OFD1: variants seen among roughly 807,000 people sequenced by gnomAD.
OFD1 encodes the protein centriole and centriolar satellite protein OFD1.
OFD1 carries 12 observed loss-of-function variants against 81.4 expected under a neutral mutation model. The observed-to-expected ratio is 0.15, with a 90% CI of 0.09 to 0.24. OFD1 has a LOEUF of 0.24. Among genes scored for constraint, OFD1 ranks in the 10% least tolerant of loss-of-function variants. The probability of loss-of-function intolerance (pLI) is 1.00; values close to 1 mark genes in which losing one functional copy is unlikely to be tolerated. For synonymous variants in OFD1, 256 were observed against 263.7 expected (o/e 0.97, Z 0.28); for missense variants, 685 against 733.9 (o/e 0.93, Z 0.77).
At chrX:13,725,982 T>G in the OFD1 span, among the ~76,000 whole-genome samples, 6 of 111,784 alleles carry the variant, frequency 5.4e-5, no homozygotes, top group African/African-American at 2.0e-4. Context: ...CAATAACTGA[T>G]TTGATCAAGT....
At chrX:13,725,628 G>A in the OFD1 span, among the ~76,000 whole-genome samples, 1 of 112,547 alleles carries the variant, frequency 8.9e-6, no homozygotes, top group African/African-American at 3.2e-5. Context: ...ACCAAAGGCA[G>A]ATAAAACCAC....
intron 5 of OFD1, among the ~76,000 whole-genome samples, chrX:13,742,172 C>G (rs2047131352): frequency 8.9e-6 from 1 of 111,926 alleles, no homozygotes; most frequent in African/African-American, 3.2e-5. Context: ...AGAAATACAT[C>G]CACACAAATA....
At chrX:13,771,146 T>C (rs1418225028), downstream of OFD1, 3 of 112,270 alleles carry the variant, frequency 2.7e-5, no homozygotes, top group Admixed American at 9.5e-5. Flanking sequence ...ATAGCAAAAT[T>C]TAATGCTCTT....
intron 19 of OFD1, among the ~76,000 whole-genome samples, chrX:13,765,885 T>C (rs1384678215): frequency 8.9e-6 from 1 of 112,073 alleles, no homozygotes; most frequent in East Asian, 2.8e-4. Context: ...GTACAAGATA[T>C]CCTGCAAGTG....
rs1444114831 is a variant in OFD1, at chrX:13,760,247, A to G, written c.1787A>G (p.Gln596Arg). The change falls in exon 16 of 23, where the codon CAG (glutamine) becomes CGG (arginine). Residue 596 changes from glutamine to arginine, a missense_variant. By Grantham distance (43) the Gln-to-Arg change is conservative (BLOSUM62 1). Transcript: ENST00000340096. ...SGDFLNNPFKQENVLARMVAS... is the reference protein window; with the variant it reads ...SGDFLNNPFKRENVLARMVAS... The stretch of plus-strand genomic sequence containing the variant: ...GATTTCTTGAACAATCCTTTTAAAC[A>G]GGAAAACGTTCTAGCACGTATGGTT... The G allele has an allele frequency of 1.7e-6, 2 of 1,210,239 alleles. No individual in the cohort carries two copies. The highest frequency in any genetic ancestry group is 2.3e-4 in the Middle Eastern group (1 of 4,356).
At chrX:13,736,285 T>A in intron 2 of OFD1, 193 bp from the exon 3 acceptor site, 1 of 1,058,192 alleles carries the variant, frequency 9.5e-7, no homozygotes, top group South Asian at 2.5e-5. Context: ...ACTGGACTGC[T>A]TGTCTCACGG....
Position 13,768,772 on chromosome X carries a change from G to A in OFD1, c.2983G>A (p.Asp995Asn), listed in dbSNP as rs1228268117. 1.7e-6 allele frequency: 2 copies of A among 1,205,803 alleles called. No homozygotes were observed. The highest frequency in any genetic ancestry group is 3.5e-5 in the South Asian group (2 of 56,818). Residue 995 changes from aspartate (D) to asparagine (N), a missense_variant, in exon 22 of 23, where the codon GAC (aspartate) becomes AAC (asparagine). This residue lies in a region of OFD1 where 259 missense variants were observed against 254.4 expected (regional missense o/e 1.02). Transcript: ENST00000340096. Reference sequence around the variant, plus strand: ...CCTAGTGGACACGCTGCAATCTAGTGACAAAGTCGAAAGGTACCTGTTTTC... The same window carrying A: ...CCTAGTGGACACGCTGCAATCTAGTAACAAAGTCGAAAGGTACCTGTTTTC... Reference protein sequence around the residue: ...GSLVDTLQSSDKVESLTGFSH... With the variant: ...GSLVDTLQSSNKVESLTGFSH...
intron 5 of OFD1, among the ~76,000 whole-genome samples, chrX:13,743,029 C>G (rs1022673128): frequency 8.9e-6 from 1 of 111,981 alleles, no homozygotes; most frequent in African/African-American, 3.2e-5. Flanking sequence ...TTCCAAGAAA[C>G]TAAACATTTC....
At chrX:13,746,974 A>T (rs1455897929) in intron 8 of OFD1, 21 bp downstream of exon 8, 1 of 1,187,019 alleles carries the variant, frequency 8.4e-7, no homozygotes, top group Non-Finnish European at 1.1e-6. Context: ...CAAATATTTT[A>T]TGGGTGGCTA....
chrX:13,733,461 C>A (rs770398707), upstream of OFD1, among the ~76,000 whole-genome samples: 15 of 112,117 alleles, frequency 1.3e-4, no homozygotes, highest in African/African-American at 4.5e-4. Flanking sequence ...GCAACCACTA[C>A]CCATCCTTTA....
chrX:13,754,343 A>G (rs1247778833), intron 11 of OFD1, among the ~76,000 whole-genome samples: 1 of 110,961 alleles, frequency 9.0e-6, no homozygotes, highest in Non-Finnish European at 1.9e-5. Context: ...GGAAATTTCA[A>G]GTAGATTCCT....
upstream of OFD1, among the ~76,000 whole-genome samples, chrX:13,730,745 G>T (rs975394699): frequency 1.6e-4 from 18 of 111,145 alleles, no homozygotes; most frequent in African/African-American, 5.6e-4. Flanking sequence ...CCATAAAAAA[G>T]GATGAGTTCA....
chrX:13,763,947 C>A, intron 19 of OFD1, 92 bp downstream of exon 19: 1 of 686,597 alleles, frequency 1.5e-6, no homozygotes, highest in Non-Finnish European at 2.3e-6. Context: ...TCACTGAAGT[C>A]ATCTTGTAGG....
intron 19 of OFD1, among the ~76,000 whole-genome samples, chrX:13,766,079 G>C (rs142728156): frequency 0.011 from 1,286 of 112,127 alleles, 14 homozygotes; most frequent in African/African-American, 0.039. Flanking sequence ...GGTTGGTACA[G>C]ATGAAATATT....
At chrX:13,719,136 G>A in the OFD1 span, among the ~76,000 whole-genome samples, 131 of 110,735 alleles carry the variant, frequency 1.2e-3, no homozygotes, top group African/African-American at 4.2e-3. Flanking sequence ...CAGTCTGGGC[G>A]ACAGAGCAAG....
upstream of OFD1, chrX:13,734,162 T>A (rs1354285106): frequency 2.0e-6 from 1 of 506,005 alleles, no homozygotes; most frequent in Non-Finnish European, 3.5e-6. Context: ...TCTTTGGTTG[T>A]CACACTTGGG....
intron 15 of OFD1, among the ~76,000 whole-genome samples, chrX:13,759,063 G>A (rs2047824475): frequency 8.9e-6 from 1 of 111,733 alleles, no homozygotes; most frequent in Admixed American, 9.5e-5. Flanking sequence ...TTATTATTGT[G>A]TCTTCACTGT....
At chrX:13,757,186 C>T (rs1181119825) in intron 13 of OFD1, among the ~76,000 whole-genome samples, 1 of 112,222 alleles carries the variant, frequency 8.9e-6, no homozygotes, top group Non-Finnish European at 1.9e-5. Context: ...GGAACTCCAC[C>T]ATCCTTTGTG....
At chrX:13,761,773 G>A (rs922164568) in intron 17 of OFD1, among the ~76,000 whole-genome samples, 3 of 111,219 alleles carry the variant, frequency 2.7e-5, no homozygotes, top group Non-Finnish European at 3.8e-5. Flanking sequence ...TATGATTTGA[G>A]TCATGAGCAG....
Sources: gnomAD v4.1 joint callset for allele counts (sites outside exome capture counted in the v4.1 genomes callset) on GRCh38, gnomAD v4.1.1 for gene constraint, gnomAD v4.1.1 regional missense constraint, MANE v1.5 for transcripts, NCBI Gene and HGNC (gene_info 2026-07-23, HGNC 2026-07-21) for gene names.